WWOX: variants seen among roughly 807,000 people sequenced by gnomAD.
The protein encoded by WWOX is WW domain containing oxidoreductase.
In WWOX, 69 loss-of-function variants were observed where a neutral mutation model predicts 46.2. The ratio of observed to expected loss-of-function variants is 1.49; its 90% CI spans 1.23 to 1.82. The LOEUF (loss-of-function observed/expected upper bound fraction) is 1.82, where lower values mean the gene tolerates loss of function less well. WWOX is among the 40% of genes most tolerant of loss of function. The probability of loss-of-function intolerance (pLI) is 0.00; values close to 1 mark genes in which losing one functional copy is unlikely to be tolerated. For missense variants in WWOX, 919 were observed against 542.6 expected (o/e 1.69, Z -6.89); for synonymous variants, 359 against 202.6 (o/e 1.77, Z -6.56).
At chr16:78,754,972 A>G (rs1472268208) in intron 8 of WWOX, among the ~76,000 whole-genome samples, 1 of 151,654 alleles carries the variant, frequency 6.6e-6, no homozygotes, top group Non-Finnish European at 1.5e-5. Flanking sequence ...TATACTATTA[A>G]AAGAATACAC....
intron 7 of WWOX, among the ~76,000 whole-genome samples, chr16:78,429,566 T>C (rs2083169336): frequency 6.6e-6 from 1 of 152,136 alleles, no homozygotes; most frequent in Non-Finnish European, 1.5e-5. Context: ...GGGGTGGTGC[T>C]ATATTTATTC....
At chr16:79,091,764 T>C (rs1049721311) in intron 8 of WWOX, among the ~76,000 whole-genome samples, 4 of 148,646 alleles carry the variant, frequency 2.7e-5, no homozygotes, top group African/African-American at 9.9e-5. Context: ...CGCATCTTTT[T>C]CTTTTCTTTT....
intron 8 of WWOX, among the ~76,000 whole-genome samples, chr16:79,021,978 A>G (rs960557138): frequency 1.3e-5 from 2 of 152,238 alleles, no homozygotes; most frequent in Non-Finnish European, 2.9e-5. Flanking sequence ...CTCTGCAGGC[A>G]CATAGTAAGT....
At chr16:78,365,682 A>C (rs1453847904) in intron 5 of WWOX, among the ~76,000 whole-genome samples, 1 of 152,178 alleles carries the variant, frequency 6.6e-6, no homozygotes, top group Non-Finnish European at 1.5e-5. Flanking sequence ...ACAGATTGCC[A>C]GATGTGGAAG....
At chr16:78,178,732 C>T (rs987568056) in intron 5 of WWOX, among the ~76,000 whole-genome samples, 2 of 151,968 alleles carry the variant, frequency 1.3e-5, no homozygotes, top group Admixed American at 6.6e-5. Flanking sequence ...GTTGTCTTGG[C>T]GCATGGCTAT....
chr16:78,967,315 A>G (rs2046380582), intron 8 of WWOX, among the ~76,000 whole-genome samples: 1 of 32,804 alleles, frequency 3.0e-5, no homozygotes. Flanking sequence ...TTTTTTTTTG[A>G]GACTCACTCT....
rs1386684956 is a variant in WWOX at position 78,349,058 on chromosome 16, T to G, written c.517-37802T>G. ...ACTTGAACAACAAAAATACATTTTC[T>G]CATAGTTGTGGAGCCTAGAATTCCA... On this transcript the variant is annotated intron_variant, in intron 5 of 8. Transcript: ENST00000566780. Among the ~76,000 whole-genome samples, 7 of 120,260 alleles carry G rather than the reference T, an allele frequency of 5.8e-5. 1 individual carries two copies. Among genetic ancestry groups the G allele is most frequent in the Admixed American group, 3.2e-4 (4 of 12,388 alleles). 78.9% of individuals were successfully genotyped at this position (120,260 alleles called of 152,430 possible). A position where few individuals can be genotyped will look rare whatever the true frequency, so the allele number is the denominator to read the frequency against.
chr16:78,777,821 C>T (rs565388920), intron 8 of WWOX, among the ~76,000 whole-genome samples: 2 of 152,088 alleles, frequency 1.3e-5, no homozygotes, highest in South Asian at 2.1e-4. Context: ...CCGGGGCAGG[C>T]AGATCATGAG....
At chr16:78,803,283 G>A (rs979383692) in intron 8 of WWOX, among the ~76,000 whole-genome samples, 1 of 151,432 alleles carries the variant, frequency 6.6e-6, no homozygotes, top group Non-Finnish European at 1.5e-5. Context: ...GTGCTCTTGT[G>A]TGTTATTGTA....
chr16:78,149,945 G>A (rs568703985), intron 4 of WWOX, among the ~76,000 whole-genome samples: 19 of 152,134 alleles, frequency 1.2e-4, no homozygotes, highest in African/African-American at 3.4e-4. Context: ...CTCCTTTTAC[G>A]TAATTCTCCA....
intron 8 of WWOX, among the ~76,000 whole-genome samples, chr16:79,044,189 C>G (rs988848197): frequency 6.6e-6 from 1 of 152,110 alleles, no homozygotes; most frequent in East Asian, 1.9e-4. Context: ...GTCTTCAGGC[C>G]CACAGTGTAG....
intron 8 of WWOX, among the ~76,000 whole-genome samples, chr16:78,819,978 C>A (rs982023528): frequency 6.6e-6 from 1 of 152,144 alleles, no homozygotes; most frequent in East Asian, 1.9e-4. Context: ...AGTTTGATAT[C>A]AACATCTGTA....
At chr16:78,330,775 T>C (rs1024707135) in intron 5 of WWOX, among the ~76,000 whole-genome samples, 3 of 152,262 alleles carry the variant, frequency 2.0e-5, no homozygotes, top group Non-Finnish European at 4.4e-5. Flanking sequence ...ATCTCACTTC[T>C]TTCAGTCACC....
intron 8 of WWOX, among the ~76,000 whole-genome samples, chr16:78,697,724 C>T (rs1463963613): frequency 1.3e-5 from 2 of 152,138 alleles, no homozygotes; most frequent in Admixed American, 1.3e-4. Context: ...CTCGGCTAAG[C>T]TATCATGTTG....
At chr16:78,714,439 C>G (rs2048517012) in intron 8 of WWOX, among the ~76,000 whole-genome samples, 1 of 151,756 alleles carries the variant, frequency 6.6e-6, no homozygotes, top group Non-Finnish European at 1.5e-5. Flanking sequence ...AGACCTGCCC[C>G]CATGATTCAG....
At chr16:78,576,665 T>C (rs2044888215) in intron 8 of WWOX, among the ~76,000 whole-genome samples, 1 of 152,144 alleles carries the variant, frequency 6.6e-6, no homozygotes, top group African/African-American at 2.4e-5. Context: ...AGACCCTGTC[T>C]CTACTCACAT....
At chr16:78,844,067 G>A (rs2052233481) in intron 8 of WWOX, among the ~76,000 whole-genome samples, 1 of 152,156 alleles carries the variant, frequency 6.6e-6, no homozygotes, top group Admixed American at 6.5e-5. Context: ...ATAAGCTGGT[G>A]CGTTATTTAA....
At chr16:78,463,299 G>T (rs372909547) in intron 8 of WWOX, among the ~76,000 whole-genome samples, 2 of 152,272 alleles carry the variant, frequency 1.3e-5, no homozygotes, top group East Asian at 1.9e-4. Flanking sequence ...TCCATCCGTG[G>T]TAAAAAGCAA....
chr16:78,887,084 G>T (rs1263030536), intron 8 of WWOX, among the ~76,000 whole-genome samples: 28 of 10,302 alleles, frequency 2.7e-3, no homozygotes, highest in African/African-American at 3.0e-3. Context: ...TGTGGTGTGT[G>T]TGTGTGTGTG....
Sources: allele counts gnomAD v4.1 joint callset (sites outside exome capture counted in the v4.1 genomes callset), GRCh38; gene constraint gnomAD v4.1.1; transcripts MANE v1.5; gene names NCBI Gene and HGNC (gene_info 2026-07-23, HGNC 2026-07-21).